Variants in AKAP19 observed in about 807,000 individuals in gnomAD.
AKAP19 encodes small A-kinase anchoring protein.
chr2:189,924,634 CTT>C, the AKAP19 span, among the ~76,000 whole-genome samples: 1 of 152,088 alleles, frequency 6.6e-6, no homozygotes, highest in African/African-American at 2.4e-5. Flanking sequence ...TTGAAAGCAG[CTT>C]TGAGTTAGAA....
chr2:189,881,008 GACAT>G, the AKAP19 span, among the ~76,000 whole-genome samples: 3 of 152,022 alleles, frequency 2.0e-5, no homozygotes, highest in African/African-American at 4.8e-5. Context: ...TGACATACGT[GACAT>G]ACATACATGA....
the AKAP19 span, among the ~76,000 whole-genome samples, chr2:190,045,863 G>A: frequency 6.6e-6 from 1 of 152,152 alleles, no homozygotes; most frequent in Non-Finnish European, 1.5e-5. Flanking sequence ...AGGCTCCAGG[G>A]TCTCCATGCT....
At chr2:189,917,609 A>G in the AKAP19 span, 1 of 380,166 alleles carries the variant, frequency 2.6e-6, no homozygotes, top group Non-Finnish European at 4.8e-6. Context: ...TAGATAAGAA[A>G]AGATTCTTGT....
chr2:189,970,084 C>T, the AKAP19 span, among the ~76,000 whole-genome samples: 1 of 151,954 alleles, frequency 6.6e-6, no homozygotes, highest in Admixed American at 6.6e-5. Flanking sequence ...CCAGGCTGCT[C>T]TTGAACTCCT....
chr2:190,157,293 T>C, the AKAP19 span, among the ~76,000 whole-genome samples: 2 of 151,740 alleles, frequency 1.3e-5, no homozygotes, highest in African/African-American at 4.8e-5. Flanking sequence ...TTCATCAGTA[T>C]GAAAATCTTA....
chr2:189,898,369 C>T, the AKAP19 span, among the ~76,000 whole-genome samples: 1 of 152,130 alleles, frequency 6.6e-6, no homozygotes, highest in South Asian at 2.1e-4. Flanking sequence ...TTAAGTACAG[C>T]TTATTGGTGA....
chr2:189,974,552 T>C, the AKAP19 span, among the ~76,000 whole-genome samples: 1 of 152,224 alleles, frequency 6.6e-6, no homozygotes, highest in Non-Finnish European at 1.5e-5. Flanking sequence ...TTCTGTTTCG[T>C]TGATCTGTCT....
chr2:190,124,731 T>C, the AKAP19 span, among the ~76,000 whole-genome samples: 1 of 152,186 alleles, frequency 6.6e-6, no homozygotes, highest in Admixed American at 6.5e-5. Flanking sequence ...TTTCTTACTT[T>C]ATAAAAACTT....
chr2:190,127,192 GAAAA>G, the AKAP19 span, among the ~76,000 whole-genome samples: 1 of 141,106 alleles, frequency 7.1e-6, no homozygotes, highest in African/African-American at 2.6e-5. Context: ...GCCCTGACTG[GAAAA>G]AAAAAAAAAA....
the AKAP19 span, among the ~76,000 whole-genome samples, chr2:190,014,328 G>T: frequency 6.6e-6 from 1 of 152,240 alleles, no homozygotes; most frequent in African/African-American, 2.4e-5. Flanking sequence ...AGGGGAAGAG[G>T]CATGTCATAT....
chr2:190,082,634 G>A, the AKAP19 span, among the ~76,000 whole-genome samples: 4 of 152,162 alleles, frequency 2.6e-5, no homozygotes, highest in Non-Finnish European at 5.9e-5. Flanking sequence ...AACAATAGAA[G>A]TAATGTGCTA....
chr2:189,936,964 A>T, the AKAP19 span, among the ~76,000 whole-genome samples: 1 of 152,038 alleles, frequency 6.6e-6, no homozygotes, highest in African/African-American at 2.4e-5. Context: ...TGTCCCTGTC[A>T]GTGCACAGAA....
At chr2:190,062,332 C>T in the AKAP19 span, 4 of 1,613,342 alleles carry the variant, frequency 2.5e-6, no homozygotes, top group Admixed American at 5.0e-5. Flanking sequence ...TCAATCAGTT[C>T]CCGGAGTGGA....
At chr2:190,129,188 C>G in the AKAP19 span, among the ~76,000 whole-genome samples, 1 of 151,986 alleles carries the variant, frequency 6.6e-6, no homozygotes, top group South Asian at 2.1e-4. Flanking sequence ...TTACTGATGC[C>G]TCATAATTTA....
At chr2:190,052,982 T>C in the AKAP19 span, among the ~76,000 whole-genome samples, 2 of 152,196 alleles carry the variant, frequency 1.3e-5, no homozygotes, top group African/African-American at 4.8e-5. Context: ...AAGTTGATCT[T>C]TAAGAAAGTA....
At chr2:190,057,687 A>G in the AKAP19 span, 2 of 1,589,366 alleles carry the variant, frequency 1.3e-6, no homozygotes, top group East Asian at 4.5e-5. Context: ...GCCTGGAAAC[A>G]CTTTTCTACC....
the AKAP19 span, among the ~76,000 whole-genome samples, chr2:189,926,248 C>T: frequency 6.6e-6 from 1 of 152,196 alleles, no homozygotes. Flanking sequence ...TCCATCTCTG[C>T]ACAGATAGAA....
the AKAP19 span, chr2:189,917,308 T>G: frequency 7.1e-7 from 1 of 1,415,282 alleles, no homozygotes. Context: ...TCCATCTGTC[T>G]TTTAACATGA....
the AKAP19 span, among the ~76,000 whole-genome samples, chr2:190,174,636 A>G: frequency 2.0e-5 from 3 of 152,214 alleles, no homozygotes; most frequent in Non-Finnish European, 4.4e-5. Flanking sequence ...AGTGACTCAT[A>G]CTGAAAGGCA....
Sources: allele counts gnomAD v4.1 joint callset (sites outside exome capture counted in the v4.1 genomes callset), GRCh38; gene constraint gnomAD v4.1.1; transcripts MANE v1.5; gene names NCBI Gene and HGNC (gene_info 2026-07-23, HGNC 2026-07-21).